Variants in MGMT observed in about 807,000 individuals in gnomAD.
The protein encoded by MGMT is O-6-methylguanine-DNA methyltransferase.
MGMT carries 14 observed loss-of-function variants against 15.9 expected under a neutral mutation model. The observed-to-expected ratio is 0.88, with a 90% CI of 0.58 to 1.37. MGMT has a LOEUF of 1.37. MGMT is among the 40% of genes most tolerant of loss of function. The pLI, the probability that MGMT is intolerant of heterozygous loss-of-function variation, is 0.00. For missense variants in MGMT, 282 were observed against 268.1 expected (o/e 1.05, Z -0.36); for synonymous variants, 130 against 118.2 (o/e 1.10, Z -0.65).
chr10:129,700,834 A>T (rs1848090008), intron 2 of MGMT: 1 of 152,174 alleles, frequency 6.6e-6, no homozygotes, highest in Non-Finnish European at 1.5e-5. Context: ...CAAACACAAG[A>T]CACTCTGCTA....
At chr10:129,667,429 C>T (rs747207553) in intron 2 of MGMT, among the ~76,000 whole-genome samples, 16 of 152,212 alleles carry the variant, frequency 1.1e-4, no homozygotes, top group African/African-American at 1.4e-4. Context: ...GTTTGGGAGA[C>T]GCACCCATAC....
At chr10:129,650,201 G>A (rs887483515) in intron 2 of MGMT, among the ~76,000 whole-genome samples, 1 of 152,222 alleles carries the variant, frequency 6.6e-6, no homozygotes, top group Non-Finnish European at 1.5e-5. Context: ...GAGACCACCA[G>A]TGGGTAGCCT....
chr10:129,615,427 G>C (rs560836004), intron 2 of MGMT, among the ~76,000 whole-genome samples: 1 of 152,090 alleles, frequency 6.6e-6, no homozygotes. Context: ...AGATCTCTGA[G>C]CCTTAAAGTG....
At chr10:129,586,120 G>A (rs897778517) in intron 2 of MGMT, among the ~76,000 whole-genome samples, 5 of 152,168 alleles carry the variant, frequency 3.3e-5, no homozygotes, top group Non-Finnish European at 5.9e-5. Flanking sequence ...AATTTAGAAC[G>A]TATGGATTAT....
intron 1 of MGMT, among the ~76,000 whole-genome samples, chr10:129,531,374 G>A (rs981750010): frequency 7.2e-5 from 11 of 152,074 alleles, no homozygotes; most frequent in Non-Finnish European, 1.0e-4. Context: ...GCTGGGTTGC[G>A]ATGGTTTCAC....
At chr10:129,680,669 C>T (rs1243819750) in intron 2 of MGMT, among the ~76,000 whole-genome samples, 1 of 152,216 alleles carries the variant, frequency 6.6e-6, no homozygotes, top group Non-Finnish European at 1.5e-5. Context: ...TGGCCCCCGC[C>T]TTCTCCGCCT....
chr10:129,526,685 A>AC lies in MGMT; in HGVS notation c.-12-9555dup, dbSNP rs562404078. Among the ~76,000 whole-genome samples the AC allele has an allele frequency of 9.8e-4, 149 of 152,242 alleles. 1 individual carries two copies. In the South Asian group the frequency reaches 0.029, roughly 30 times the overall value. Reference sequence around the variant, plus strand: ...GTCTGTTTCTGTGTGTTTTCATTGCACAGGATACCAGCAGTGGAAATGGTT... The same window carrying AC: ...GTCTGTTTCTGTGTGTTTTCATTGCACCAGGATACCAGCAGTGGAAATGGTT... On this transcript the variant is annotated intron_variant, in intron 1 of 4. Coordinates refer to ENST00000651593, the MANE Select transcript of MGMT (RefSeq NM_002412.5).
intron 3 of MGMT, among the ~76,000 whole-genome samples, chr10:129,757,285 G>A (rs139696750): frequency 6.4e-4 from 98 of 152,292 alleles, no homozygotes; most frequent in African/African-American, 1.8e-3. Context: ...AAGGTGCTCC[G>A]TAATTTGGCA....
At chr10:129,617,053 ATTAT>A (rs1259089383) in intron 2 of MGMT, among the ~76,000 whole-genome samples, 7 of 152,014 alleles carry the variant, frequency 4.6e-5, no homozygotes, top group Non-Finnish European at 1.0e-4. Context: ...TTGTGTGTGG[ATTAT>A]TTCTTCATCC....
At chr10:129,672,898 A>G (rs1367770141) in intron 2 of MGMT, among the ~76,000 whole-genome samples, 2 of 152,198 alleles carry the variant, frequency 1.3e-5, no homozygotes, top group Non-Finnish European at 2.9e-5. Flanking sequence ...AACAGTGTGT[A>G]GAAATGACGT....
chr10:129,756,319 A>G (rs1848805528), intron 3 of MGMT, among the ~76,000 whole-genome samples: 1 of 152,102 alleles, frequency 6.6e-6, no homozygotes, highest in African/African-American at 2.4e-5. Flanking sequence ...AGGAAGGGCG[A>G]GTGTGGGAAG....
chr10:129,639,390 G>A (rs1564744947), intron 2 of MGMT, among the ~76,000 whole-genome samples: 1 of 152,124 alleles, frequency 6.6e-6, no homozygotes, highest in Non-Finnish European at 1.5e-5. Flanking sequence ...AGCAAAAACG[G>A]AAAGGAGAAA....
At chr10:129,674,750 A>G (rs991727879) in intron 2 of MGMT, among the ~76,000 whole-genome samples, 11 of 152,234 alleles carry the variant, frequency 7.2e-5, no homozygotes, top group Non-Finnish European at 1.3e-4. Context: ...CCTGGGCTCT[A>G]TCCTGCATGT....
intron 2 of MGMT, among the ~76,000 whole-genome samples, chr10:129,691,965 C>T (rs971731075): frequency 6.6e-6 from 1 of 152,146 alleles, no homozygotes; most frequent in Non-Finnish European, 1.5e-5. Flanking sequence ...TTGGTTTTCT[C>T]GTTAATCAAA....
intron 1 of MGMT, among the ~76,000 whole-genome samples, chr10:129,493,373 C>G (rs897422657): frequency 7.9e-5 from 12 of 152,284 alleles, no homozygotes; most frequent in African/African-American, 2.9e-4. Flanking sequence ...TCTGCTTCCT[C>G]CAGCCCTGGC....
At chr10:129,526,632 C>T (rs555617562) in intron 1 of MGMT, among the ~76,000 whole-genome samples, 2 of 152,180 alleles carry the variant, frequency 1.3e-5, no homozygotes, top group African/African-American at 2.4e-5. Context: ...TAGGTCGGAC[C>T]GCAGGTGCAC....
At chr10:129,564,192 C>T (rs1846314847) in intron 2 of MGMT, 1 of 102,666 alleles carries the variant, frequency 9.7e-6, no homozygotes, top group Admixed American at 9.7e-5. Context: ...TCTTCCACTC[C>T]CCCACTTCTT....
At chr10:129,630,127 C>T (rs1285185220) in intron 2 of MGMT, among the ~76,000 whole-genome samples, 9 of 152,180 alleles carry the variant, frequency 5.9e-5, no homozygotes, top group Non-Finnish European at 1.0e-4. Flanking sequence ...TGGCCAGCCG[C>T]GTCCACCTGC....
intron 1 of MGMT, among the ~76,000 whole-genome samples, chr10:129,518,505 T>C (rs1279595325): frequency 7.7e-4 from 16 of 20,688 alleles, no homozygotes; most frequent in Admixed American, 1.3e-3. Flanking sequence ...CTGCCCCTCC[T>C]CCCCTCCCTT....
Sources: gnomAD v4.1 joint callset for allele counts (sites outside exome capture counted in the v4.1 genomes callset) on GRCh38, gnomAD v4.1.1 for gene constraint, MANE v1.5 for transcripts, NCBI Gene and HGNC (gene_info 2026-07-23, HGNC 2026-07-21) for gene names.